Variants in CSAD observed in about 807,000 individuals in gnomAD.
CSAD encodes P-selectin cytoplasmic tail-associated protein.
In CSAD, 47 loss-of-function variants were observed where a neutral mutation model predicts 61.5. The ratio of observed to expected loss-of-function variants is 0.76; its 90% CI spans 0.60 to 0.97. The LOEUF (loss-of-function observed/expected upper bound fraction) is 0.97. CSAD is among the 50% of genes least tolerant of loss of function. CSAD has a pLI of 0.00. For missense variants in CSAD, 611 were observed against 643.6 expected (o/e 0.95, Z 0.55); for synonymous variants, 245 against 252.7 (o/e 0.97, Z 0.29).
chr12:53,168,993 G>T (rs993743104), intron 10 of CSAD, among the ~76,000 whole-genome samples: 1 of 150,286 alleles, frequency 6.7e-6, no homozygotes, highest in Non-Finnish European at 1.5e-5. Context: ...CAGCCTGGCC[G>T]ACGTGGTGAA....
rs1940554102 is a variant in CSAD at position 53,171,344 on chromosome 12, G to C, written c.549C>G (p.Ala183=). Residue 183 remains alanine, a synonymous_variant, in exon 8 of 17, where the codon GCC becomes GCG. Transcript: ENST00000444623. ...QRGLRTLPPL[A]LFTSKECHYS... ...TCCCCACCTCCTTCGATGTGAATAG[G>C]GCCAGGGGCGGCAGTGTGCGGAGGC... The C allele has an allele frequency of 6.2e-7, 1 of 1,613,938 alleles. No individual in the cohort carries two copies. Among genetic ancestry groups the C allele is most frequent in the African/African-American group, 1.3e-5 (1 of 74,924 alleles).
At chr12:53,169,342 G>A (rs767343377) in intron 10 of CSAD, among the ~76,000 whole-genome samples, 3 of 151,954 alleles carry the variant, frequency 2.0e-5, no homozygotes, top group African/African-American at 7.3e-5. Context: ...AGCCAGGCCT[G>A]GTGGCACACG....
chr12:53,173,841 A>T (rs2121514873), intron 2 of CSAD, 71 bp from the exon 3 acceptor site: 1 of 1,498,958 alleles, frequency 6.7e-7, no homozygotes, highest in Non-Finnish European at 9.1e-7. Flanking sequence ...TTTTTTCATA[A>T]ATTCACAAAG....
rs112913595 is a variant in CSAD at position 53,163,017 on chromosome 12, C to T, written c.703-1628G>A. ...CGGAGGTTGCTGTGAGCCAAGATCA[C>T]GCCATTGCACCTCAGCCTGGGCAAC... On this transcript the variant is annotated intron_variant, in intron 10 of 16. Transcript: ENST00000444623. 5.2e-3 allele frequency among the ~76,000 whole-genome samples: 783 copies of T among 150,546 alleles called. 8 individuals carry two copies. The highest frequency in any genetic ancestry group is 0.018 in the African/African-American group (754 of 40,866).
intron 10 of CSAD, among the ~76,000 whole-genome samples, chr12:53,164,118 A>G (rs1939610966): frequency 6.6e-6 from 1 of 152,240 alleles, no homozygotes; most frequent in African/African-American, 2.4e-5. Context: ...ATTGGATCAC[A>G]GGCCTAAATC....
At chr12:53,178,284 G>A in intron 2 of CSAD, 2 of 442,518 alleles carry the variant, frequency 4.5e-6, no homozygotes, top group Non-Finnish European at 9.0e-6. Flanking sequence ...ACCAGCCTGG[G>A]CAACATGGCA....
chr12:53,173,151 T>C (rs1592350871), intron 4 of CSAD, 194 bp downstream of exon 4: 1 of 538,550 alleles, frequency 1.9e-6, no homozygotes. Flanking sequence ...GAGGTTGCAG[T>C]GAGCCAAGAT....
chr12:53,174,271 G>A (rs1940931283), intron 2 of CSAD, among the ~76,000 whole-genome samples: 1 of 146,494 alleles, frequency 6.8e-6, no homozygotes, highest in South Asian at 2.1e-4. Flanking sequence ...TCGCGCCACT[G>A]CACCCCAGCC....
intron 10 of CSAD, among the ~76,000 whole-genome samples, chr12:53,163,176 A>G (rs1460693637): frequency 1.3e-5 from 2 of 152,170 alleles, no homozygotes; most frequent in African/African-American, 2.4e-5. Flanking sequence ...TCAAGGCTGC[A>G]GTGAACCATG....
At chr12:53,166,837 G>C (rs1472655413) in intron 10 of CSAD, among the ~76,000 whole-genome samples, 1 of 152,104 alleles carries the variant, frequency 6.6e-6, no homozygotes, top group African/African-American at 2.4e-5. Context: ...AAGATGAAAA[G>C]AGTTCTGGAG....
Position 53,160,139 on chromosome 12 carries a change from G to C in CSAD, c.1147C>G (p.Gln383Glu). The C allele has an allele frequency of 6.2e-7, 1 of 1,613,522 alleles. No individual in the cohort carries two copies. The highest frequency in any genetic ancestry group is 1.3e-5 in the African/African-American group (1 of 75,052). ...GDQGLERRID[Q>E]AFVLARYLVE... Reference sequence around the variant, plus strand: ...GCCTACCGGGCAAGGACAAAGGCCTGGTCGATGCGCCGCTCCAGCCCTTGA... The same window carrying C: ...GCCTACCGGGCAAGGACAAAGGCCTCGTCGATGCGCCGCTCCAGCCCTTGA... The change falls in exon 14 of 17, where the codon CAG becomes GAG. Residue 383 changes from glutamine to glutamate, a missense_variant. Coordinates refer to ENST00000444623, the MANE Select transcript of CSAD (RefSeq NM_001244705.2).
chr12:53,160,006 G>A (rs1226640289), intron 14 of CSAD, 68 bp from the exon 15 acceptor site: 31 of 1,595,002 alleles, frequency 1.9e-5, no homozygotes, highest in African/African-American at 5.4e-5. Context: ...AGAGGCCCAC[G>A]TAGAATGAGC....
chr12:53,180,624 G>A, intron 1 of CSAD, 108 bp downstream of exon 1: 2 of 1,283,896 alleles, frequency 1.6e-6, no homozygotes, highest in Non-Finnish European at 2.0e-6. Context: ...GCCCCCGCTA[G>A]TCTAGCTGCC....
chr12:53,163,993 ATTTATT>A (rs1359973275), intron 10 of CSAD, among the ~76,000 whole-genome samples: 6 of 152,222 alleles, frequency 3.9e-5, no homozygotes, highest in Admixed American at 6.5e-5. Context: ...TGCCAAGACA[ATTTATT>A]AAAGAAAGAA....
chr12:53,164,109 T>C (rs1406298635), intron 10 of CSAD, among the ~76,000 whole-genome samples: 1 of 152,356 alleles, frequency 6.6e-6, no homozygotes, highest in Admixed American at 6.5e-5. Flanking sequence ...TTAATTCATA[T>C]TGGATCACAG....
chr12:53,160,899 A>G, intron 12 of CSAD, 55 bp from the exon 13 acceptor site: 1 of 1,478,832 alleles, frequency 6.8e-7, no homozygotes, highest in Non-Finnish European at 9.3e-7. Context: ...CTGCCCAACC[A>G]GAGCCCTTCC....
intron 4 of CSAD, 150 bp downstream of exon 4, chr12:53,173,195 G>A (rs1246473791): frequency 1.5e-5 from 11 of 751,474 alleles, no homozygotes; most frequent in Middle Eastern, 3.1e-4. Flanking sequence ...CCGATAGAGC[G>A]AGACTCTGTC....
At position 53,170,514 on chromosome 12, in the gene CSAD, G is replaced by A; in HGVS notation, c.568-12C>T. On this transcript the variant is annotated splice_polypyrimidine_tract_variant and intron_variant, in intron 8 of 16. Coordinates refer to ENST00000444623, the MANE Select transcript of CSAD (RefSeq NM_001244705.2). ...ATGGAGTAGTGACACTGTGGGGGAAGGCAGAGGGCAAGTTAGCACAACTTG... is the reference window on the plus strand; with the variant it reads ...ATGGAGTAGTGACACTGTGGGGGAAAGCAGAGGGCAAGTTAGCACAACTTG... The A allele has an allele frequency of 1.2e-6, 2 of 1,611,860 alleles. No individual in the cohort carries two copies. The highest frequency in any genetic ancestry group is 1.7e-6 in the Non-Finnish European group (2 of 1,177,950).
intron 1 of CSAD, 34 bp downstream of exon 1, chr12:53,180,698 G>C (rs1192986028): frequency 7.9e-7 from 1 of 1,272,212 alleles, no homozygotes; most frequent in African/African-American, 1.6e-5. Flanking sequence ...GTGCTTCCGG[G>C]GAAACGGGCC....
Sources: gnomAD v4.1 joint callset for allele counts (sites outside exome capture counted in the v4.1 genomes callset) on GRCh38, gnomAD v4.1.1 for gene constraint, MANE v1.5 for transcripts, NCBI Gene and HGNC (gene_info 2026-07-23, HGNC 2026-07-21) for gene names.